The following DBNL variants were observed in gnomAD, a reference collection of about 807,000 sequenced individuals.
DBNL encodes the protein drebrin-like protein.
A neutral mutation model predicts 62.2 loss-of-function variants in DBNL; 35 were observed. The ratio of observed to expected loss-of-function variants is 0.56; its 90% confidence interval spans 0.43 to 0.75. The LOEUF (loss-of-function observed/expected upper bound fraction) is 0.75, where lower values mean the gene tolerates loss of function less well. Among genes scored for constraint, DBNL ranks in the 30% least tolerant of loss-of-function variants. The pLI is 0.00. For missense variants in DBNL, 495 were observed against 578.4 expected (o/e 0.86, Z 1.48); for synonymous variants, 197 against 218.0 (o/e 0.90, Z 0.85).
In DBNL at chr7:44,064,797, A is replaced by AGCC. The variant is rs2128796236; in HGVS notation, c.*3881_*3882insGCC. 4.7e-6 allele frequency: 3 copies of AGCC among 633,254 alleles called. No individual in the cohort carries two copies. Among genetic ancestry groups the AGCC allele is most frequent in the East Asian group, 4.3e-5 (1 of 23,156 alleles). The allele number at this position is 633,254 out of a possible 1,614,324, so 39.2% of individuals were successfully genotyped here. A position where few individuals can be genotyped will look rare whatever the true frequency, so the allele number is the denominator to read the frequency against. On this transcript the variant is annotated 3_prime_UTR_variant, in exon 13 of 13. Coordinates refer to ENST00000448521, the MANE Select transcript of DBNL (RefSeq NM_001014436.3). ...GAGAAGCCAGCTGGGGCTGCTGCCC[A>AGCC]CCCACCCTGCCCAGGCTCCTGAAGG...
Position 44,044,769 on chromosome 7 carries a change from C to A in DBNL, c.32C>A (p.Ala11Glu), listed in dbSNP as rs771491870. 1.3e-6 allele frequency: 2 copies of A among 1,507,486 alleles called. No homozygotes were observed. Among genetic ancestry groups the A allele is most frequent in the East Asian group, 5.5e-5 (2 of 36,044 alleles). 93.4% of individuals were successfully genotyped at this position (1,507,486 alleles called of 1,614,324 possible). A position where few individuals can be genotyped will look rare whatever the true frequency, so the allele number is the denominator to read the frequency against. The change falls in exon 1 of 13, where the codon GCG (alanine) becomes GAG (glutamate). Residue 11 changes from alanine to glutamate, a missense_variant. Transcript: ENST00000448521. The part of the protein sequence containing the change: MAANLSRNGP[A>E]LQEAYVRVVT... Reference sequence around the variant, plus strand: ...GCGAACCTGAGCCGGAACGGGCCAGCGCTGCAAGAGGCCTACGTGCGGGTG... The same window carrying A: ...GCGAACCTGAGCCGGAACGGGCCAGAGCTGCAAGAGGCCTACGTGCGGGTG...
In DBNL at chr7:44,064,793, G is replaced by GCCCCCCCC; in HGVS notation, c.*3880_*3881insCCCCCCCC. 4 of 1,136,968 alleles carry GCCCCCCCC rather than the reference G, an allele frequency of 3.5e-6. No homozygotes were observed. The highest frequency in any genetic ancestry group is 1.9e-5 in the Admixed American group (1 of 52,684). The allele number at this position is 1,136,968 out of a possible 1,614,324, so 70.4% of individuals were successfully genotyped here. ...AGATGAGAAGCCAGCTGGGGCTGCT[G>GCCCCCCCC]CCCACCCACCCTGCCCAGGCTCCTG... On this transcript the variant is annotated 3_prime_UTR_variant, in exon 13 of 13. Coordinates refer to ENST00000448521, the MANE Select transcript of DBNL (RefSeq NM_001014436.3).
At chr7:44,049,748 G>A (rs2096123292) in intron 1 of DBNL, 1 of 156,154 alleles carries the variant, frequency 6.4e-6, no homozygotes, top group Non-Finnish European at 1.4e-5. Flanking sequence ...GACGTGCACA[G>A]GAGTGGTGGG....
chr7:44,063,293 C>CTT lies in DBNL; in HGVS notation c.*2384_*2385dup. ...TTTTTTTTCTTTTCTTTTTCTTTTT[C>CTT]TTTTTTTTGAGATGGAGTTTTACTC... is the stretch of plus-strand genomic sequence containing the variant. On this transcript the variant is annotated 3_prime_UTR_variant, in exon 13 of 13. Transcript: ENST00000448521. The CTT allele has an allele frequency of 3.2e-6, 1 of 315,444 alleles. No individual in the cohort carries two copies. The highest frequency in any genetic ancestry group is 2.8e-5 in the South Asian group (1 of 35,182). 19.5% of individuals were successfully genotyped at this position (315,444 alleles called of 1,614,324 possible). A position where few individuals can be genotyped will look rare whatever the true frequency, so the allele number is the denominator to read the frequency against.
rs115920246 is a variant in DBNL, at chr7:44,065,600, G to A, written c.*4684G>A. 1,059 of 1,471,596 alleles carry A rather than the reference G, an allele frequency of 7.2e-4. 8 individuals are homozygous for A. The African/African-American group carries it at 0.013, about 18-fold the overall frequency. The allele number at this position is 1,471,596 out of a possible 1,614,324, so 91.2% of individuals were successfully genotyped here. A position where few individuals can be genotyped will look rare whatever the true frequency, so the allele number is the denominator to read the frequency against. On this transcript the variant is annotated 3_prime_UTR_variant, in exon 13 of 13. Coordinates refer to ENST00000448521, the MANE Select transcript of DBNL (RefSeq NM_001014436.3). ...TCCCAACACTCCCAGCTTTATAATA[G>A]TGTCTTCCCAGCCCCCACCCACCCC...
intron 4 of DBNL, among the ~76,000 whole-genome samples, chr7:44,055,007 C>T (rs893232047): frequency 6.6e-6 from 1 of 152,182 alleles, no homozygotes; most frequent in African/African-American, 2.4e-5. Flanking sequence ...TGTTTATATA[C>T]TAAATTTTCT....
intron 3 of DBNL, among the ~76,000 whole-genome samples, chr7:44,052,390 G>T (rs137880344): frequency 0.014 from 2,056 of 152,068 alleles, 50 homozygotes; most frequent in African/African-American, 0.047. Flanking sequence ...TGGGTGGACT[G>T]CCTGAGCTCA....
At position 44,057,778 on chromosome 7, in the gene DBNL, A is replaced by G; in HGVS notation, c.475-4A>G. On this transcript the variant is annotated splice_polypyrimidine_tract_variant and splice_region_variant and intron_variant, in intron 5 of 12. Transcript: ENST00000448521. ...AGGTCTCTAATGAGTGCTGTCCCCT[A>G]CAGGGCTCTGTGTACCAGAAGACCA... The G allele has an allele frequency of 6.2e-7, 1 of 1,614,120 alleles. No individual in the cohort carries two copies. The highest frequency in any genetic ancestry group is 8.5e-7 in the Non-Finnish European group (1 of 1,179,988).
rs759984178 is a variant in DBNL at position 44,058,439 on chromosome 7, GAGC to G, written c.720_722del (p.Gln241del). 1 of 1,614,240 alleles carries G rather than the reference GAGC, an allele frequency of 6.2e-7. No homozygotes were observed. The highest frequency in any genetic ancestry group is 1.1e-5 in the South Asian group (1 of 91,090). The stretch of plus-strand genomic sequence containing the variant: ...CCCGGCCCTTCCCAGCAGGACGTGG[GAGC>G]AGCAGCAAGAAGTGGTTTCAAGGAA... On this transcript the variant is annotated inframe_deletion, in exon 8 of 13. Coordinates refer to ENST00000448521, the MANE Select transcript of DBNL (RefSeq NM_001014436.3).
intron 1 of DBNL, among the ~76,000 whole-genome samples, chr7:44,047,453 C>T (rs370496910): frequency 6.6e-6 from 1 of 152,176 alleles, no homozygotes; most frequent in Non-Finnish European, 1.5e-5. Flanking sequence ...ATCTGTCTCC[C>T]GCCCCTGCTT....
rs1263946043 is a variant in DBNL, at chr7:44,050,265, G to A, written c.124G>A (p.Val42Met). 1.2e-6 allele frequency: 2 copies of A among 1,613,590 alleles called. No individual in the cohort carries two copies. Among genetic ancestry groups the A allele is most frequent in the Non-Finnish European group, 8.5e-7 (1 of 1,179,690 alleles). ...TGAAGGCAACAGCAATGACATCCGCGTGGCTGGCACAGGGGGTGAGTATGA... is the reference window on the plus strand; with the variant it reads ...TGAAGGCAACAGCAATGACATCCGCATGGCTGGCACAGGGGGTGAGTATGA... ...TYEGNSNDIRVAGTGEGGLEE... is the reference protein window; with the variant it reads ...TYEGNSNDIRMAGTGEGGLEE... The change falls in exon 2 of 13, where the codon GTG (valine) becomes ATG (methionine). Residue 42 changes from valine to methionine, a missense_variant. Transcript: ENST00000448521.
chr7:44,064,793 G>GGCCCCCCCCCCCCCCCCCCCCC lies in DBNL; in HGVS notation c.*3877_*3878insGCCCCCCCCCCCCCCCCCCCCC. 5.3e-6 allele frequency: 6 copies of GGCCCCCCCCCCCCCCCCCCCCC among 1,136,946 alleles called. No homozygotes were observed. The highest frequency in any genetic ancestry group is 1.3e-5 in the South Asian group (1 of 77,092). 70.4% of individuals were successfully genotyped at this position (1,136,946 alleles called of 1,614,324 possible). A position where few individuals can be genotyped will look rare whatever the true frequency, so the allele number is the denominator to read the frequency against. ...AGATGAGAAGCCAGCTGGGGCTGCTGCCCACCCACCCTGCCCAGGCTCCTG... is the reference window on the plus strand; with the variant it reads ...AGATGAGAAGCCAGCTGGGGCTGCTGGCCCCCCCCCCCCCCCCCCCCCCCCACCCACCCTGCCCAGGCTCCTG... On this transcript the variant is annotated 3_prime_UTR_variant, in exon 13 of 13. Transcript: ENST00000448521.
In DBNL at chr7:44,064,606, C is replaced by T. The variant is rs541634924; in HGVS notation, c.*3690C>T. 118 of 575,812 alleles carry T rather than the reference C, an allele frequency of 2.0e-4. No homozygotes were observed. Among genetic ancestry groups the T allele is most frequent in the African/African-American group, 1.9e-3 (104 of 53,526 alleles). 35.7% of individuals were successfully genotyped at this position (575,812 alleles called of 1,614,324 possible). A position where few individuals can be genotyped will look rare whatever the true frequency, so the allele number is the denominator to read the frequency against. ...GAGCCTGCCCCACCTCGGGACACAG[C>T]GAGCTTCGAGTGCAGTCAGCCCCTG... On this transcript the variant is annotated 3_prime_UTR_variant, in exon 13 of 13. Transcript: ENST00000448521.
chr7:44,059,165 C>T lies in DBNL; in HGVS notation c.835+182C>T, dbSNP rs990499281. On this transcript the variant is annotated intron_variant, in intron 9 of 12. Transcript: ENST00000448521. The surrounding 1 kb of genome is among the most constrained non-coding windows in gnomAD (Gnocchi z 4.1). The stretch of plus-strand genomic sequence containing the variant: ...CCACACTGGTCACCAGTTTGGCCTC[C>T]AAAAGATATTGGGCTGCGCTGTCTA... 3.3e-5 allele frequency among the ~76,000 whole-genome samples: 5 copies of T among 152,168 alleles called. No individual in the cohort carries two copies. Among genetic ancestry groups the T allele is most frequent in the Non-Finnish European group, 7.3e-5 (5 of 68,028 alleles).
At position 44,056,786 on chromosome 7, in the gene DBNL, C is replaced by T. The variant is rs140718490; in HGVS notation, c.357C>T (p.Ala119=). 1.4e-4 allele frequency: 229 copies of T among 1,613,994 alleles called. No individual in the cohort carries two copies. The African/African-American group carries it at 2.6e-3, about 18-fold the overall frequency. Residue 119 remains alanine, a synonymous_variant, in exon 5 of 13, where the codon GCC becomes GCT. Coordinates refer to ENST00000448521, the MANE Select transcript of DBNL (RefSeq NM_001014436.3). ...KGAHVTINAR[A]EEDVEPECIM... ...CCCATGTGACCATCAACGCACGGGCCGAGGAGGATGTGGAGCCTGAGTGCA... is the reference window on the plus strand; with the variant it reads ...CCCATGTGACCATCAACGCACGGGCTGAGGAGGATGTGGAGCCTGAGTGCA...
rs371649373 is a variant in DBNL at position 44,059,634 on chromosome 7, G to C, written c.1023G>C (p.Glu341Asp). 2 of 1,606,902 alleles carry C rather than the reference G, an allele frequency of 1.2e-6. No individual in the cohort carries two copies. The highest frequency in any genetic ancestry group is 2.7e-5 in the African/African-American group (2 of 74,840). Residue 341 changes from glutamate (E) to aspartate (D), a missense_variant, in exon 11 of 13, where the codon GAG becomes GAC. Coordinates refer to ENST00000448521, the MANE Select transcript of DBNL (RefSeq NM_001014436.3). This position sits in a 1 kb window ranked among gnomAD's most constrained non-coding sequence, Gnocchi z 4.1. Reference protein sequence around the residue: ...EAVYEEPPEQETFYEQPPLVQ... With the variant: ...EAVYEEPPEQDTFYEQPPLVQ... ...TGTATGAGGAACCTCCAGAGCAGGAGACCTTCTACGAGCAGCCCCCACTGG... is the reference window on the plus strand; with the variant it reads ...TGTATGAGGAACCTCCAGAGCAGGACACCTTCTACGAGCAGCCCCCACTGG...
At chr7:44,049,336 T>G (rs975860011) in intron 1 of DBNL, among the ~76,000 whole-genome samples, 1 of 152,132 alleles carries the variant, frequency 6.6e-6, no homozygotes, top group Non-Finnish European at 1.5e-5. Context: ...TTTTGTATTT[T>G]TAGTAGAGAT....
In DBNL at chr7:44,064,905, C is replaced by T. The variant is rs534311928; in HGVS notation, c.*3989C>T. ...TGAGCACTCGCTTGCCGGCCTTGAT[C>T]TGGGGAACAATCTCCTCGTTCCAGA... is the stretch of plus-strand genomic sequence containing the variant. On this transcript the variant is annotated 3_prime_UTR_variant, in exon 13 of 13. Coordinates refer to ENST00000448521, the MANE Select transcript of DBNL (RefSeq NM_001014436.3). 6.2e-7 allele frequency: 1 copy of T among 1,610,270 alleles called. No homozygotes were observed. Among genetic ancestry groups the T allele is most frequent in the Non-Finnish European group, 8.5e-7 (1 of 1,178,888 alleles).
In DBNL at chr7:44,058,969, C is replaced by G. The variant is rs747848126; in HGVS notation, c.821C>G (p.Ser274Cys). Residue 274 changes from serine to cysteine, a missense_variant, in exon 9 of 13, where the codon TCC (serine) becomes TGC (cysteine). Physicochemically the swap from Ser to Cys is moderately radical, Grantham distance 112. Transcript: ENST00000448521. Reference sequence around the variant, plus strand: ...AGGGCCATGTCCACCACCTCCATCTCCAGTCCTCAGCCTGGTGAGCTCTCC... The same window carrying G: ...AGGGCCATGTCCACCACCTCCATCTGCAGTCCTCAGCCTGGTGAGCTCTCC... ...KERAMSTTSI[S>C]SPQPGKLRSP... 1.2e-6 allele frequency: 2 copies of G among 1,614,000 alleles called. No homozygotes were observed. Among genetic ancestry groups the G allele is most frequent in the Non-Finnish European group, 1.7e-6 (2 of 1,179,994 alleles).
Sources: gnomAD v4.1 joint callset for allele counts (sites outside exome capture counted in the v4.1 genomes callset) on GRCh38, gnomAD v4.1.1 for gene constraint, Gnocchi (gnomAD v3.1) non-coding constraint, MANE v1.5 for transcripts, NCBI Gene and HGNC (gene_info 2026-07-23, HGNC 2026-07-21) for gene names.